Variants in CASZ1 observed in about 807,000 individuals in gnomAD.
The protein encoded by CASZ1 is zinc finger protein castor homolog 1.
In CASZ1, 28 loss-of-function variants were observed where a neutral mutation model predicts 135.2. That is an observed-to-expected ratio of 0.21 (90% CI 0.15 to 0.28). The LOEUF (loss-of-function observed/expected upper bound fraction) is 0.28. Among genes scored for constraint, CASZ1 ranks in the 10% least tolerant of loss-of-function variants. The pLI is 1.00. For missense variants in CASZ1, 2,161 were observed against 2,453.3 expected, an observed-to-expected ratio of 0.88 and a Z score of 2.52; for synonymous variants, 1,068 against 1,073.4, an observed-to-expected ratio of 0.99 and a Z score of 0.10.
In CASZ1 at chr1:10,659,749, G is replaced by A. The variant is rs773842867; in HGVS notation, c.1293C>T (p.Thr431=). The change falls in exon 6 of 21, where the codon ACC becomes ACT. Residue 431 remains threonine, a synonymous_variant. Coordinates refer to ENST00000377022, the MANE Select transcript of CASZ1 (RefSeq NM_001079843.3). ...SFNTPEYLKS[T]FSKTDSITTG... ...TGGTGATGGAGTCTGTTTTGGAGAA[G>A]GTTGACTTCAGGTACTCGGGAGTGT... is the stretch of plus-strand genomic sequence containing the variant. The A allele has an allele frequency of 3.1e-6, 5 of 1,613,936 alleles. No individual in the cohort carries two copies. Among genetic ancestry groups the A allele is most frequent in the East Asian group, 2.2e-5 (1 of 44,874 alleles).
intron 7 of CASZ1, 102 bp from the exon 8 acceptor site, chr1:10,656,838 A>T: frequency 2.7e-6 from 2 of 732,532 alleles, no homozygotes. Context: ...CCTGTATGGG[A>T]TGCAGAGGGG....
rs1221539996 is a variant in CASZ1 at position 10,721,280 on chromosome 1, C to A, written c.-76-15736G>T. 1.3e-5 allele frequency among the ~76,000 whole-genome samples: 2 copies of A among 152,080 alleles called. No individual in the cohort carries two copies. The highest frequency in any genetic ancestry group is 2.1e-4 in the South Asian group (1 of 4,828). On this transcript the variant is annotated intron_variant, in intron 2 of 20. Coordinates refer to ENST00000377022, the MANE Select transcript of CASZ1 (RefSeq NM_001079843.3). This position sits in a 1 kb window ranked among gnomAD's most constrained non-coding sequence, Gnocchi z 5.4. ...CTCCTATCACCTACCTCCCCCACCC[C>A]CTGATCTTAGGGAAAAAAAAACCCA...
chr1:10,639,909 T>G lies in CASZ1; in HGVS notation c.4313A>C (p.Asp1438Ala). The G allele has an allele frequency of 3.1e-6, 5 of 1,612,870 alleles. No homozygotes were observed. The highest frequency in any genetic ancestry group is 4.2e-6 in the Non-Finnish European group (5 of 1,179,986). ...GMMLEGFRRF[D>A]LYEDCKDAAC... ...TGCGTCCTTGCAGTCCTCGTAAAGG[T>G]CGAAGCGCCGGAAGCCCTCCAGCAT... is the stretch of plus-strand genomic sequence containing the variant. The change falls in exon 21 of 21, where the codon GAC becomes GCC. Residue 1438 changes from aspartate (D) to alanine (A), a missense_variant. By Grantham distance (126) the Asp-to-Ala change is moderately radical (BLOSUM62 -2). Transcript: ENST00000377022. The surrounding 1 kb of genome is among the most constrained non-coding windows in gnomAD (Gnocchi z 4.0).
chr1:10,648,819 A>C, intron 15 of CASZ1: 1 of 508,320 alleles, frequency 2.0e-6, no homozygotes, highest in Non-Finnish European at 3.6e-6. Context: ...TGCCCTGGGG[A>C]CGTGGGTGCA....
At chr1:10,745,419 C>A (rs1391631046) in intron 2 of CASZ1, among the ~76,000 whole-genome samples, 1 of 152,174 alleles carries the variant, frequency 6.6e-6, no homozygotes, top group African/African-American at 2.4e-5. Flanking sequence ...GCTTCTTGAC[C>A]TTCCTTGCCC....
At chr1:10,675,562 C>A (rs12068079) in intron 4 of CASZ1, among the ~76,000 whole-genome samples, 2 of 152,142 alleles carry the variant, frequency 1.3e-5, no homozygotes, top group African/African-American at 4.8e-5. Flanking sequence ...CCGGCCAACT[C>A]CGCACGGACC....
intron 4 of CASZ1, among the ~76,000 whole-genome samples, chr1:10,671,832 T>C (rs1643409772): frequency 6.6e-6 from 1 of 152,198 alleles, no homozygotes; most frequent in East Asian, 1.9e-4. Flanking sequence ...GGTGGCCAAA[T>C]GCCATGCAGT....
At chr1:10,743,664 T>TGG (rs146404795) in intron 2 of CASZ1, among the ~76,000 whole-genome samples, 930 of 23,474 alleles carry the variant, frequency 0.04, 28 homozygotes, top group African/African-American at 0.11. Flanking sequence ...GTCTCCAAAA[T>TGG]GGGGGGGCGG....
intron 4 of CASZ1, among the ~76,000 whole-genome samples, chr1:10,683,873 G>A (rs1380677539): frequency 6.6e-6 from 1 of 152,224 alleles, no homozygotes; most frequent in Non-Finnish European, 1.5e-5. Flanking sequence ...CAGACTACAG[G>A]TGGGGTACAC....
rs284291 is a variant in CASZ1 at position 10,706,849 on chromosome 1, G to A, written c.-76-1305C>T. Among the ~76,000 whole-genome samples, 529 of 151,824 alleles carry A rather than the reference G, an allele frequency of 3.5e-3. 2 individuals carry two copies. The highest frequency in any genetic ancestry group is 0.012 in the African/African-American group (490 of 41,446). ...CCATCTCATCCAGATGATGAGAGGC[G>A]GGGGGGTCTGCAGAGAGCTGGGCGG... On this transcript the variant is annotated intron_variant, in intron 2 of 20. Transcript: ENST00000377022. The surrounding 1 kb of genome is among the most constrained non-coding windows in gnomAD (Gnocchi z 4.3).
chr1:10,654,344 C>T lies in CASZ1; in HGVS notation c.1838+75G>A, dbSNP rs1019701622. 16 of 1,582,468 alleles carry T rather than the reference C, an allele frequency of 1.0e-5. No individual in the cohort carries two copies. The African/African-American group carries it at 2.2e-4, about 21-fold the overall frequency. On this transcript the variant is annotated intron_variant, in intron 10 of 20. Coordinates refer to ENST00000377022, the MANE Select transcript of CASZ1 (RefSeq NM_001079843.3). ...CTGGACACCGAGGCAGGGGCCTGAG[C>T]CGTCCCACGAGCCTGGGTCCTTGCC... is the stretch of plus-strand genomic sequence containing the variant.
rs974016928 is a variant in CASZ1, at chr1:10,676,239, C to T, written c.17-10668G>A. On this transcript the variant is annotated intron_variant, in intron 4 of 20. Transcript: ENST00000377022. This position sits in a 1 kb window ranked among gnomAD's most constrained non-coding sequence, Gnocchi z 4.5. ...AGACACCAAGGCCCTGCTGGACTGG[C>T]CCGGACCCCCGTCCCCCATGCTGCT... is the stretch of plus-strand genomic sequence containing the variant. 3.3e-5 allele frequency among the ~76,000 whole-genome samples: 5 copies of T among 152,148 alleles called. No individual in the cohort carries two copies. The highest frequency in any genetic ancestry group is 1.2e-4 in the African/African-American group (5 of 41,438).
intron 5 of CASZ1, 46 bp from the exon 6 acceptor site, chr1:10,660,582 G>A: frequency 6.5e-7 from 1 of 1,543,458 alleles, no homozygotes; most frequent in East Asian, 2.3e-5. Context: ...GGGAGTGGGA[G>A]GGACAGGAGG....
At chr1:10,786,483 A>T (rs776910) in intron 1 of CASZ1, among the ~76,000 whole-genome samples, 1 of 152,080 alleles carries the variant, frequency 6.6e-6, no homozygotes, top group Non-Finnish European at 1.5e-5. Flanking sequence ...AAGCTCTCCC[A>T]GTTCCCCTCT....
rs560188845 is a variant in CASZ1, at chr1:10,725,799, G to T, written c.-76-20255C>A. Reference sequence around the variant, plus strand: ...GGTGAGTGACAAGACAGCGGCAGTGGGGTGGGGAGGGAATGGCAAGGGGGG... The same window carrying T: ...GGTGAGTGACAAGACAGCGGCAGTGTGGTGGGGAGGGAATGGCAAGGGGGG... On this transcript the variant is annotated intron_variant, in intron 2 of 20. Coordinates refer to ENST00000377022, the MANE Select transcript of CASZ1 (RefSeq NM_001079843.3). The surrounding 1 kb of genome is among the most constrained non-coding windows in gnomAD (Gnocchi z 4.4). Among the ~76,000 whole-genome samples, 1 of 152,062 alleles carries T rather than the reference G, an allele frequency of 6.6e-6. No homozygotes were observed. The highest frequency in any genetic ancestry group is 1.9e-4 in the East Asian group (1 of 5,166).
chr1:10,782,032 C>T (rs1013146146), intron 1 of CASZ1, among the ~76,000 whole-genome samples: 6 of 152,224 alleles, frequency 3.9e-5, no homozygotes, highest in Non-Finnish European at 7.3e-5. Flanking sequence ...GCACAGACAC[C>T]CCCCAGGAGC....
Position 10,711,123 on chromosome 1 carries a change from T to C in CASZ1, c.-76-5579A>G, listed in dbSNP as rs540328223. Among the ~76,000 whole-genome samples the C allele has an allele frequency of 1.2e-3, 183 of 152,230 alleles. 1 individual carries two copies. Among genetic ancestry groups the C allele is most frequent in the African/African-American group, 4.2e-3 (176 of 41,540 alleles). ...TCCAGCCTGGGCGACAGAGCGAGACTCCGTCTTGGGGGGAGAAAAAAGAAA... is the reference window on the plus strand; with the variant it reads ...TCCAGCCTGGGCGACAGAGCGAGACCCCGTCTTGGGGGGAGAAAAAAGAAA... On this transcript the variant is annotated intron_variant, in intron 2 of 20. Transcript: ENST00000377022. This position sits in a 1 kb window ranked among gnomAD's most constrained non-coding sequence, Gnocchi z 4.4.
chr1:10,777,299 G>A lies in CASZ1; in HGVS notation c.-233-16442C>T, dbSNP rs959218397. On this transcript the variant is annotated intron_variant, in intron 1 of 20. Coordinates refer to ENST00000377022, the MANE Select transcript of CASZ1 (RefSeq NM_001079843.3). This position sits in a 1 kb window ranked among gnomAD's most constrained non-coding sequence, Gnocchi z 4.4. The stretch of plus-strand genomic sequence containing the variant: ...AGGACCGCAGGGTTGGGACCCCTAT[G>A]AGGACCACGGAGAGGGGCGTCCGAG... Among the ~76,000 whole-genome samples, 3 of 152,166 alleles carry A rather than the reference G, an allele frequency of 2.0e-5. No individual in the cohort carries two copies. Among genetic ancestry groups the A allele is most frequent in the African/African-American group, 7.2e-5 (3 of 41,420 alleles).
intron 1 of CASZ1, among the ~76,000 whole-genome samples, chr1:10,785,751 G>C (rs1450801883): frequency 6.6e-5 from 10 of 152,230 alleles, no homozygotes; most frequent in Non-Finnish European, 7.3e-5. Context: ...GATGAGCTCA[G>C]GCCAAGACCC....
Sources: gnomAD v4.1 joint callset for allele counts (sites outside exome capture counted in the v4.1 genomes callset) on GRCh38, gnomAD v4.1.1 for gene constraint, Gnocchi (gnomAD v3.1) non-coding constraint, MANE v1.5 for transcripts, NCBI Gene and HGNC (gene_info 2026-07-23, HGNC 2026-07-21) for gene names.